The following MPRIP variants were observed in gnomAD, a reference collection of about 807,000 sequenced individuals.
MPRIP encodes the protein myosin phosphatase Rho interacting protein.
Under a neutral mutation model 234.9 loss-of-function variants are expected in MPRIP, and 59 were observed. The observed-to-expected ratio is 0.25, with a 90% CI of 0.20 to 0.31. The LOEUF is 0.31. Among genes scored for constraint, MPRIP ranks in the 10% least tolerant of loss-of-function variants. The pLI, the probability that MPRIP is intolerant of heterozygous loss-of-function variation, is 1.00. For synonymous variants in MPRIP, 1,144 were observed against 1,263.9 expected (o/e 0.91, Z 2.01); for missense variants, 2,436 against 3,071.0 (o/e 0.79, Z 4.89).
chr17:17,110,355 C>T (rs1164007183), intron 3 of MPRIP, among the ~76,000 whole-genome samples: 4 of 152,104 alleles, frequency 2.6e-5, no homozygotes, highest in Non-Finnish European at 5.9e-5. Flanking sequence ...TCCCTTATAG[C>T]GGCACAAAAC....
intron 15 of MPRIP, among the ~76,000 whole-genome samples, chr17:17,162,796 A>G (rs962082481): frequency 2.0e-5 from 3 of 152,222 alleles, no homozygotes; most frequent in African/African-American, 7.2e-5. Context: ...AGCATTTCAG[A>G]TTTTGGATTT....
intron 1 of MPRIP, chr17:17,057,839 A>G: frequency 1.6e-6 from 1 of 618,022 alleles, no homozygotes; most frequent in South Asian, 1.9e-5. Flanking sequence ...GATATACTCT[A>G]ATACTTGCAG....
chr17:17,068,939 G>C (rs570175690), intron 1 of MPRIP, among the ~76,000 whole-genome samples: 2 of 152,192 alleles, frequency 1.3e-5, no homozygotes, highest in South Asian at 4.2e-4. Context: ...TTATTTATTT[G>C]AGACCTTTCC....
chr17:17,100,783 A>G (rs2089945774), intron 3 of MPRIP, among the ~76,000 whole-genome samples: 1 of 152,062 alleles, frequency 6.6e-6, no homozygotes, highest in Non-Finnish European at 1.5e-5. Flanking sequence ...ATGTAATAAT[A>G]ATAGAAATAA....
intron 18 of MPRIP, among the ~76,000 whole-genome samples, chr17:17,173,372 G>A (rs2046186167): frequency 6.6e-6 from 1 of 152,256 alleles, no homozygotes; most frequent in Non-Finnish European, 1.5e-5. Context: ...GAAGCCAGGG[G>A]CCCTGCCTCA....
At chr17:17,157,409 C>T (rs879374065) in intron 13 of MPRIP, among the ~76,000 whole-genome samples, 2 of 152,234 alleles carry the variant, frequency 1.3e-5, no homozygotes, top group Non-Finnish European at 2.9e-5. Flanking sequence ...TTCTGCCTTC[C>T]TCTCCAAGCC....
At chr17:17,096,159 C>T (rs929287459) in intron 3 of MPRIP, among the ~76,000 whole-genome samples, 13 of 152,180 alleles carry the variant, frequency 8.5e-5, no homozygotes, top group African/African-American at 3.1e-4. Flanking sequence ...GCATATCGTG[C>T]CTGCCTTGTA....
At chr17:17,136,543 CA>C in intron 6 of MPRIP, 93 bp downstream of exon 6, 1 of 1,238,698 alleles carries the variant, frequency 8.1e-7, no homozygotes, top group Middle Eastern at 2.1e-4. Context: ...CTGTAGAGCC[CA>C]GTCGCAAGCC....
chr17:17,043,081 G>T, intron 1 of MPRIP, 110 bp downstream of exon 1: 2 of 1,064,414 alleles, frequency 1.9e-6, no homozygotes, highest in Non-Finnish European at 2.7e-6. Flanking sequence ...GGAAATGCGC[G>T]AGTCCTGGGG....
chr17:17,073,081 C>T (rs966857853), intron 1 of MPRIP, among the ~76,000 whole-genome samples: 2 of 152,176 alleles, frequency 1.3e-5, no homozygotes, highest in East Asian at 3.8e-4. Flanking sequence ...CACCTCTTGG[C>T]TGTCACCAAC....
chr17:17,112,374 A>G lies in MPRIP; in HGVS notation c.268-14328A>G, dbSNP rs151303005. On this transcript the variant is annotated intron_variant, in intron 3 of 23. Transcript: ENST00000651222. The stretch of plus-strand genomic sequence containing the variant: ...CACAAGTGCCCATCTCACAGCAGCT[A>G]TGTATGCCCTCTCTTCCCCCCGTAT... 2.6e-3 allele frequency among the ~76,000 whole-genome samples: 399 copies of G among 152,228 alleles called. 2 individuals are homozygous for G. Among genetic ancestry groups the G allele is most frequent in the Non-Finnish European group, 5.1e-3 (348 of 68,006 alleles).
chr17:17,159,252 G>A (rs1364744908), intron 14 of MPRIP, among the ~76,000 whole-genome samples: 1 of 152,248 alleles, frequency 6.6e-6, no homozygotes, highest in Non-Finnish European at 1.5e-5. Context: ...CCGATGGTGG[G>A]GGCCCCTGCC....
In MPRIP at chr17:17,138,936, C is replaced by T. The variant is rs1488452147; in HGVS notation, c.1250+507C>T. On this transcript the variant is annotated intron_variant, in intron 7 of 23. Transcript: ENST00000651222. This position sits in a 1 kb window ranked among gnomAD's most constrained non-coding sequence, Gnocchi z 5.8. ...GGTTCCTCTCTCAAGGACATGCTCC[C>T]TGGGGAGCCACAGCCCCAGGAAACC... Among the ~76,000 whole-genome samples, 8 of 152,228 alleles carry T rather than the reference C, an allele frequency of 5.3e-5. No homozygotes were observed. The highest frequency in any genetic ancestry group is 5.2e-4 in the Admixed American group (8 of 15,290).
chr17:17,176,359 C>G, intron 20 of MPRIP, 67 bp from the exon 21 acceptor site: 7 of 1,246,744 alleles, frequency 5.6e-6, no homozygotes, highest in Non-Finnish European at 7.1e-6. Flanking sequence ...ACGCTTCAGC[C>G]TGCTGTGGAG....
At chr17:17,176,309 C>T (rs996725066) in intron 20 of MPRIP, 117 bp from the exon 21 acceptor site, 13 of 754,612 alleles carry the variant, frequency 1.7e-5, no homozygotes, top group African/African-American at 3.5e-5. Flanking sequence ...TTGGGCACCA[C>T]GAGGCTGCCC....
intron 1 of MPRIP, among the ~76,000 whole-genome samples, chr17:17,064,155 G>A (rs1468872182): frequency 6.6e-6 from 1 of 152,042 alleles, no homozygotes; most frequent in Non-Finnish European, 1.5e-5. Context: ...CCTGAGGACT[G>A]ACTGCAGAGG....
intron 3 of MPRIP, among the ~76,000 whole-genome samples, chr17:17,122,596 G>A (rs1171692007): frequency 6.6e-6 from 1 of 152,094 alleles, no homozygotes; most frequent in South Asian, 2.1e-4. Flanking sequence ...CTCGTGATCC[G>A]CCCGTCTTGG....
At chr17:17,097,453 A>G (rs1382563769) in intron 3 of MPRIP, 1 of 152,228 alleles carries the variant, frequency 6.6e-6, no homozygotes, top group Non-Finnish European at 1.5e-5. Flanking sequence ...GGATTGCACT[A>G]CTGCACTCCA....
chr17:17,124,091 A>C (rs897892023), intron 3 of MPRIP, among the ~76,000 whole-genome samples: 1 of 152,214 alleles, frequency 6.6e-6, no homozygotes, highest in Non-Finnish European at 1.5e-5. Context: ...CTCACTTTGC[A>C]CATGAGGAAA....
Sources: allele counts gnomAD v4.1 joint callset (sites outside exome capture counted in the v4.1 genomes callset), GRCh38; gene constraint gnomAD v4.1.1; non-coding constraint Gnocchi (gnomAD v3.1); transcripts MANE v1.5; gene names NCBI Gene and HGNC (gene_info 2026-07-23, HGNC 2026-07-21).